The following ERBB4 variants were observed in gnomAD, a reference collection of about 807,000 sequenced individuals.
The protein encoded by ERBB4 is receptor tyrosine-protein kinase erbB-4.
Under a neutral mutation model 158.0 loss-of-function variants are expected in ERBB4, and 42 were observed. The observed-to-expected ratio is 0.27, with a 90% CI of 0.21 to 0.34. The LOEUF (loss-of-function observed/expected upper bound fraction) is 0.34, where lower values mean the gene tolerates loss of function less well. ERBB4 is among the 10% of genes least tolerant of loss of function. The probability of loss-of-function intolerance (pLI) is 1.00; values close to 1 mark genes in which losing one functional copy is unlikely to be tolerated. For synonymous variants in ERBB4, 583 were observed against 558.7 expected (o/e 1.04, Z -0.61); for missense variants, 1,333 against 1,624.1 (o/e 0.82, Z 3.08).
intron 1 of ERBB4, among the ~76,000 whole-genome samples, chr2:212,466,911 GTTCA>G (rs1361187681): frequency 1.4e-4 from 21 of 152,170 alleles, no homozygotes; most frequent in Non-Finnish European, 2.4e-4. Context: ...GAACAATAAA[GTTCA>G]GGCTGAGGTG....
chr2:211,673,663 T>C (rs1372992093), intron 13 of ERBB4, among the ~76,000 whole-genome samples: 2 of 152,050 alleles, frequency 1.3e-5, no homozygotes, highest in Non-Finnish European at 2.9e-5. Flanking sequence ...GAAAGAACTA[T>C]TGTATTTTTC....
Position 212,199,795 on chromosome 2 carries a change from C to T in ERBB4, c.83-74892G>A, listed in dbSNP as rs184413674. Among the ~76,000 whole-genome samples the T allele has an allele frequency of 1.4e-4, 21 of 152,050 alleles. No individual in the cohort carries two copies. In the South Asian group the frequency reaches 2.9e-3, roughly 21 times the overall value. The stretch of plus-strand genomic sequence containing the variant: ...CTCATATTTAAAAAAAAAATAAAAA[C>T]GATTCTCTTGTCTGAAGGACTCCAG... On this transcript the variant is annotated intron_variant, in intron 1 of 27. Transcript: ENST00000342788.
At chr2:211,988,842 T>C (rs1393064915) in intron 2 of ERBB4, among the ~76,000 whole-genome samples, 1 of 152,062 alleles carries the variant, frequency 6.6e-6, no homozygotes, top group Non-Finnish European at 1.5e-5. Context: ...GTTTTCCTGA[T>C]AATCTTTTTT....
intron 20 of ERBB4, among the ~76,000 whole-genome samples, chr2:211,433,363 C>T (rs1218530421): frequency 6.6e-6 from 1 of 151,868 alleles, no homozygotes; most frequent in African/African-American, 2.4e-5. Flanking sequence ...GGGTGGATCA[C>T]GAGGTCAGGA....
chr2:211,568,298 T>C (rs939064139), intron 19 of ERBB4, among the ~76,000 whole-genome samples: 11 of 152,142 alleles, frequency 7.2e-5, no homozygotes, highest in Non-Finnish European at 1.3e-4. Context: ...AAGGGACTAC[T>C]GAGGTATAGA....
intron 20 of ERBB4, among the ~76,000 whole-genome samples, chr2:211,497,142 T>C (rs1195490897): frequency 1.3e-5 from 2 of 152,136 alleles, no homozygotes; most frequent in African/African-American, 4.8e-5. Context: ...TAAATGTTGT[T>C]ATAAAAATGG....
chr2:212,227,477 A>C (rs1412262907), intron 1 of ERBB4, among the ~76,000 whole-genome samples: 1 of 152,078 alleles, frequency 6.6e-6, no homozygotes, highest in Non-Finnish European at 1.5e-5. Context: ...TGCTAAATAC[A>C]TGTCCACCTC....
intron 1 of ERBB4, among the ~76,000 whole-genome samples, chr2:212,392,189 C>T (rs984792507): frequency 6.6e-5 from 10 of 151,928 alleles, no homozygotes; most frequent in African/African-American, 2.4e-4. Flanking sequence ...CTCAGAGTGA[C>T]TGTGAATCAC....
chr2:212,188,266 CTTCT>C (rs2082089510), intron 1 of ERBB4, among the ~76,000 whole-genome samples: 1 of 23,132 alleles, frequency 4.3e-5, no homozygotes, highest in Non-Finnish European at 2.0e-4. Flanking sequence ...CTCCCTCCCT[CTTCT>C]CTCCCTCCCT....
chr2:212,148,296 G>C (rs762846643), intron 1 of ERBB4, among the ~76,000 whole-genome samples: 1 of 152,032 alleles, frequency 6.6e-6, no homozygotes, highest in Non-Finnish European at 1.5e-5. Context: ...TATCTACAAA[G>C]AGGAATATAC....
intron 3 of ERBB4, among the ~76,000 whole-genome samples, chr2:211,906,185 G>T (rs1481829710): frequency 6.6e-6 from 1 of 152,012 alleles, no homozygotes; most frequent in African/African-American, 2.4e-5. Flanking sequence ...TAATAATCCA[G>T]GTTAGAAATA....
At chr2:211,847,351 A>G (rs2077615106) in intron 3 of ERBB4, among the ~76,000 whole-genome samples, 1 of 152,184 alleles carries the variant, frequency 6.6e-6, no homozygotes, top group Non-Finnish European at 1.5e-5. Flanking sequence ...AGTTACTACA[A>G]TAATGTTAAA....
At chr2:212,012,624 A>T (rs1228952425) in intron 2 of ERBB4, among the ~76,000 whole-genome samples, 1 of 152,176 alleles carries the variant, frequency 6.6e-6, no homozygotes, top group East Asian at 1.9e-4. Context: ...CATCTTGGCC[A>T]GGCTGGTCCT....
chr2:211,575,760 A>G (rs1487699679), intron 19 of ERBB4, among the ~76,000 whole-genome samples: 2 of 152,168 alleles, frequency 1.3e-5, no homozygotes, highest in East Asian at 3.8e-4. Context: ...ACCTGTGGTA[A>G]AGGAGCAGGC....
chr2:212,219,001 G>T (rs1028505544), intron 1 of ERBB4, among the ~76,000 whole-genome samples: 2 of 151,100 alleles, frequency 1.3e-5, no homozygotes, highest in African/African-American at 4.8e-5. Flanking sequence ...ACCACACAAT[G>T]ATTCGTGTAG....
intron 15 of ERBB4, among the ~76,000 whole-genome samples, chr2:211,659,684 G>A (rs1253991084): frequency 6.6e-6 from 1 of 151,968 alleles, no homozygotes; most frequent in Non-Finnish European, 1.5e-5. Flanking sequence ...GAATATGAAA[G>A]ATACTCATTC....
intron 12 of ERBB4, among the ~76,000 whole-genome samples, chr2:211,695,658 T>G (rs1300305817): frequency 6.6e-6 from 1 of 152,140 alleles, no homozygotes; most frequent in Non-Finnish European, 1.5e-5. Context: ...ATAACTAATA[T>G]TCCTTCCATA....
intron 1 of ERBB4, among the ~76,000 whole-genome samples, chr2:212,485,633 A>T (rs1253639369): frequency 6.6e-6 from 1 of 152,240 alleles, no homozygotes; most frequent in African/African-American, 2.4e-5. Context: ...AATAGTTTTC[A>T]TTTAACCAGC....
chr2:211,819,416 C>A (rs1235312821), intron 3 of ERBB4, among the ~76,000 whole-genome samples: 2 of 151,996 alleles, frequency 1.3e-5, no homozygotes, highest in Non-Finnish European at 2.9e-5. Flanking sequence ...GTACTGGAAT[C>A]TGCCAAGGGG....
Sources: allele counts gnomAD v4.1 joint callset (sites outside exome capture counted in the v4.1 genomes callset), GRCh38; gene constraint gnomAD v4.1.1; transcripts MANE v1.5; gene names NCBI Gene and HGNC (gene_info 2026-07-23, HGNC 2026-07-21).